HMGCLL1: variants seen among roughly 807,000 people sequenced by gnomAD.
HMGCLL1 encodes 3-hydroxymethyl-3-methylglutaryl-CoA lyase, cytoplasmic.
In HMGCLL1, 36 loss-of-function variants were observed where a neutral mutation model predicts 39.1. That is an observed-to-expected ratio of 0.92 (90% CI 0.71 to 1.22). The LOEUF is 1.22. HMGCLL1 is among the 50% of genes most tolerant of loss of function. The probability of loss-of-function intolerance (pLI) is 0.00; values close to 1 mark genes in which losing one functional copy is unlikely to be tolerated. For missense variants in HMGCLL1, 451 were observed against 416.5 expected, an observed-to-expected ratio of 1.08 and a Z score of -0.72; for synonymous variants, 149 against 144.0, an observed-to-expected ratio of 1.03 and a Z score of -0.25.
At chr6:55,620,076 C>T in the HMGCLL1 span, among the ~76,000 whole-genome samples, 1 of 151,956 alleles carries the variant, frequency 6.6e-6, no homozygotes, top group Non-Finnish European at 1.5e-5. Flanking sequence ...TTTTTATTAT[C>T]CATTCATTTG....
the HMGCLL1 span, among the ~76,000 whole-genome samples, chr6:55,630,937 C>T: frequency 3.9e-5 from 6 of 152,180 alleles, no homozygotes; most frequent in East Asian, 9.7e-4. Context: ...TAAATCAGAG[C>T]TTCTTTATAT....
intron 7 of HMGCLL1, among the ~76,000 whole-genome samples, chr6:55,485,917 T>A (rs1411779572): frequency 6.6e-6 from 1 of 151,714 alleles, no homozygotes; most frequent in Non-Finnish European, 1.5e-5. Context: ...TCTGATATTT[T>A]CCCTGAAAAT....
the HMGCLL1 span, among the ~76,000 whole-genome samples, chr6:55,586,663 C>G: frequency 6.6e-5 from 10 of 151,202 alleles, no homozygotes; most frequent in Non-Finnish European, 1.3e-4. Context: ...TTTGTCCTTG[C>G]GATAGTTTGC....
intron 7 of HMGCLL1, among the ~76,000 whole-genome samples, chr6:55,465,386 G>T (rs1764753920): frequency 6.6e-6 from 1 of 151,946 alleles, no homozygotes; most frequent in South Asian, 2.1e-4. Flanking sequence ...AAATCAAAGA[G>T]AATACATATT....
chr6:55,485,276 T>C (rs565850948), intron 7 of HMGCLL1, among the ~76,000 whole-genome samples: 119 of 152,196 alleles, frequency 7.8e-4, no homozygotes, highest in African/African-American at 2.8e-3. Flanking sequence ...CGCCAATTAA[T>C]ATGCTCTAAA....
rs1765053875 is a variant in HMGCLL1 at position 55,471,689 on chromosome 6, TA to T, written c.795+23729del. Among the ~76,000 whole-genome samples, 25 of 151,644 alleles carry T rather than the reference TA, an allele frequency of 1.6e-4. No homozygotes were observed. In the Admixed American group the frequency reaches 1.6e-3, roughly 10 times the overall value. ...CAATTTTTATATTTTTTTCTTTTTT[TA>T]AAATAAGCTATTAAGTTTATAATAT... On this transcript the variant is annotated intron_variant, in intron 7 of 8. Coordinates refer to ENST00000274901, the MANE Select transcript of HMGCLL1 (RefSeq NM_001042406.2).
chr6:55,512,201 A>T (rs1420605288), intron 5 of HMGCLL1: 6 of 152,072 alleles, frequency 3.9e-5, no homozygotes, highest in Non-Finnish European at 7.4e-5. Context: ...CACTAAAAAA[A>T]CCCTTCCTAT....
rs550253693 is a variant in HMGCLL1 at position 55,487,831 on chromosome 6, AAAAAT to A, written c.795+7583_795+7587del. Among the ~76,000 whole-genome samples the A allele has an allele frequency of 2.8e-3, 432 of 152,204 alleles. 2 individuals carry two copies. Among genetic ancestry groups the A allele is most frequent in the African/African-American group, 1.0e-2 (414 of 41,532 alleles). On this transcript the variant is annotated intron_variant, in intron 7 of 8. Coordinates refer to ENST00000274901, the MANE Select transcript of HMGCLL1 (RefSeq NM_001042406.2). ...CTGTCCACTGTTTTCAGTATTAAAAAAAAATAAAATAAAGACAAAAACAAGAAATA... is the reference window on the plus strand; with the variant it reads ...CTGTCCACTGTTTTCAGTATTAAAAAAAAATAAAGACAAAAACAAGAAATA...
At chr6:55,552,269 T>G (rs1770378938) in intron 1 of HMGCLL1, among the ~76,000 whole-genome samples, 1 of 152,006 alleles carries the variant, frequency 6.6e-6, no homozygotes, top group South Asian at 2.1e-4. Flanking sequence ...ACATGAATGC[T>G]ACCAGTCCTC....
intron 4 of HMGCLL1, 63 bp from the exon 5 acceptor site, chr6:55,514,259 A>C (rs1379575091): frequency 7.7e-7 from 1 of 1,293,452 alleles, no homozygotes; most frequent in African/African-American, 1.5e-5. Flanking sequence ...ACAGTGGTAG[A>C]ATAAAGATTA....
chr6:55,628,416 C>G, the HMGCLL1 span, among the ~76,000 whole-genome samples: 2 of 150,814 alleles, frequency 1.3e-5, no homozygotes, highest in African/African-American at 4.9e-5. Flanking sequence ...ATTCTCCCTG[C>G]CTCAGCCTCC....
chr6:55,517,664 T>G (rs1038792601), intron 3 of HMGCLL1, among the ~76,000 whole-genome samples: 5 of 151,906 alleles, frequency 3.3e-5, no homozygotes, highest in Non-Finnish European at 5.9e-5. Flanking sequence ...TTAAATACAT[T>G]TGAAAAATAT....
At chr6:55,518,954 G>T (rs1767890694) in intron 3 of HMGCLL1, among the ~76,000 whole-genome samples, 1 of 152,110 alleles carries the variant, frequency 6.6e-6, no homozygotes, top group Non-Finnish European at 1.5e-5. Flanking sequence ...TATAAAAGCT[G>T]CAACACTGAA....
intron 1 of HMGCLL1, among the ~76,000 whole-genome samples, chr6:55,558,890 A>G (rs1197009841): frequency 1.3e-5 from 2 of 152,206 alleles, no homozygotes; most frequent in Non-Finnish European, 2.9e-5. Flanking sequence ...AAATCTCAAT[A>G]TAATTTATCT....
chr6:55,548,841 A>C (rs1048805248), intron 1 of HMGCLL1, among the ~76,000 whole-genome samples: 11 of 150,182 alleles, frequency 7.3e-5, no homozygotes, highest in Admixed American at 4.0e-4. Context: ...GATAGTAACA[A>C]AATAATAGAA....
intron 1 of HMGCLL1, among the ~76,000 whole-genome samples, chr6:55,548,521 A>T (rs1770121053): frequency 6.6e-6 from 1 of 152,034 alleles, no homozygotes; most frequent in African/African-American, 2.4e-5. Flanking sequence ...TGTAGTAGAA[A>T]GATGGACAAG....
intron 7 of HMGCLL1, among the ~76,000 whole-genome samples, chr6:55,464,477 T>C (rs1426487181): frequency 6.6e-6 from 1 of 152,188 alleles, no homozygotes; most frequent in Non-Finnish European, 1.5e-5. Context: ...AAATATAACC[T>C]ACTACCAAGT....
chr6:55,482,964 A>G (rs1193404849), intron 7 of HMGCLL1, among the ~76,000 whole-genome samples: 2 of 152,166 alleles, frequency 1.3e-5, no homozygotes, highest in African/African-American at 4.8e-5. Context: ...GAACTCAAGG[A>G]AGATACAGTT....
At chr6:55,577,042 A>G (rs1386311131) in intron 1 of HMGCLL1, 6 of 1,612,396 alleles carry the variant, frequency 3.7e-6, no homozygotes, top group Non-Finnish European at 5.1e-6. Flanking sequence ...CACACTAGGA[A>G]GAGTGTAGAT....
Sources: gnomAD v4.1 joint callset for allele counts (sites outside exome capture counted in the v4.1 genomes callset) on GRCh38, gnomAD v4.1.1 for gene constraint, MANE v1.5 for transcripts, NCBI Gene and HGNC (gene_info 2026-07-23, HGNC 2026-07-21) for gene names.